The following GALNT13 variants were observed in gnomAD, a reference collection of about 807,000 sequenced individuals.
GALNT13 encodes polypeptide N-acetylgalactosaminyltransferase 13.
Under a neutral mutation model 64.2 loss-of-function variants are expected in GALNT13, and 28 were observed. That is an observed-to-expected ratio of 0.44 (90% CI 0.32 to 0.60). GALNT13 has a LOEUF of 0.60. GALNT13 is among the 20% of genes least tolerant of loss of function. The probability of loss-of-function intolerance (pLI) is 0.05; values close to 1 mark genes in which losing one functional copy is unlikely to be tolerated. For missense variants in GALNT13, 577 were observed against 669.8 expected (o/e 0.86, Z 1.53); for synonymous variants, 214 against 224.6 (o/e 0.95, Z 0.42).
the GALNT13 span, among the ~76,000 whole-genome samples, chr2:153,314,828 C>A: frequency 7.3e-5 from 11 of 151,316 alleles, no homozygotes; most frequent in African/African-American, 2.2e-4. Context: ...AAAATAAGGT[C>A]TTGTCAGTAA....
At chr2:153,499,480 G>A in the GALNT13 span, among the ~76,000 whole-genome samples, 2 of 152,212 alleles carry the variant, frequency 1.3e-5, no homozygotes, top group African/African-American at 4.8e-5. Flanking sequence ...TCACTGGCTT[G>A]AAGGTGGGAT....
intron 3 of GALNT13, among the ~76,000 whole-genome samples, chr2:153,987,310 CTG>C (rs1694865043): frequency 6.6e-6 from 1 of 151,628 alleles, no homozygotes; most frequent in African/African-American, 2.4e-5. Flanking sequence ...TCGTTGTTGT[CTG>C]TTGGATTTGA....
chr2:154,228,256 CT>C lies in GALNT13; in HGVS notation c.312-13765del, dbSNP rs201727334. Among the ~76,000 whole-genome samples the C allele has an allele frequency of 6.4e-4, 97 of 151,570 alleles. No individual in the cohort carries two copies. The East Asian group carries it at 9.3e-3, about 15-fold the overall frequency. On this transcript the variant is annotated intron_variant, in intron 4 of 12. Coordinates refer to ENST00000392825, the MANE Select transcript of GALNT13 (RefSeq NM_052917.4). ...AAATGAGCGCTGGCAGAGATCTACA[CT>C]TTTTTTTTCCCCCTAAATGGGAAAG...
chr2:153,547,091 T>C, the GALNT13 span, among the ~76,000 whole-genome samples: 2 of 152,210 alleles, frequency 1.3e-5, no homozygotes, highest in African/African-American at 2.4e-5. Flanking sequence ...AGTAGAATGT[T>C]TGGTTTCAAG....
At chr2:153,740,508 T>A in the GALNT13 span, among the ~76,000 whole-genome samples, 4 of 152,126 alleles carry the variant, frequency 2.6e-5, no homozygotes, top group African/African-American at 9.6e-5. Flanking sequence ...CTTTAAAGTT[T>A]TTGTGTGCCA....
chr2:154,290,858 C>G (rs749841145), intron 8 of GALNT13, among the ~76,000 whole-genome samples: 1 of 152,108 alleles, frequency 6.6e-6, no homozygotes, highest in Admixed American at 6.5e-5. Context: ...AAGCTGCAAC[C>G]TTCACAGTGA....
At chr2:154,377,038 C>T (rs1195555460) in intron 9 of GALNT13, among the ~76,000 whole-genome samples, 2 of 152,076 alleles carry the variant, frequency 1.3e-5, no homozygotes, top group Non-Finnish European at 2.9e-5. Flanking sequence ...TTAGGATCTA[C>T]CTAGTTCAGA....
the GALNT13 span, among the ~76,000 whole-genome samples, chr2:153,611,679 CTTTTTTT>C: frequency 1.3e-3 from 131 of 104,390 alleles, no homozygotes; most frequent in African/African-American, 3.5e-3. Context: ...ACATTTTTAC[CTTTTTTT>C]TTTTTTTTTT....
chr2:154,066,184 G>A (rs1459546584), intron 3 of GALNT13, among the ~76,000 whole-genome samples: 1 of 151,962 alleles, frequency 6.6e-6, no homozygotes, highest in Admixed American at 6.6e-5. Flanking sequence ...CACAGCAGAC[G>A]AAAGAAAAGA....
the GALNT13 span, among the ~76,000 whole-genome samples, chr2:153,865,382 A>C: frequency 1.6e-4 from 22 of 136,776 alleles, no homozygotes; most frequent in African/African-American, 4.2e-4. Context: ...CAACCTACAA[A>C]ATGGGAGAAA....
In GALNT13 at chr2:154,450,397, G is replaced by T; in HGVS notation, c.1531-14G>T. ...ACGAAATAAGCTGCACTGATTATTG[G>T]TTATCTTTTACAGAGACTCACGTTG... On this transcript the variant is annotated splice_polypyrimidine_tract_variant and intron_variant, in intron 12 of 12. Transcript: ENST00000392825. 2 of 1,602,768 alleles carry T rather than the reference G, an allele frequency of 1.2e-6. No individual in the cohort carries two copies. Among genetic ancestry groups the T allele is most frequent in the Non-Finnish European group, 1.7e-6 (2 of 1,175,280 alleles).
chr2:153,270,145 C>T, the GALNT13 span, among the ~76,000 whole-genome samples: 3 of 152,342 alleles, frequency 2.0e-5, no homozygotes, highest in Middle Eastern at 6.8e-3. Context: ...CCAATTCCAA[C>T]TCCTGATGCA....
At chr2:153,207,729 C>T in the GALNT13 span, among the ~76,000 whole-genome samples, 16 of 152,176 alleles carry the variant, frequency 1.1e-4, no homozygotes, top group East Asian at 3.9e-4. Flanking sequence ...TGAGTTTAAA[C>T]GATGTGTGTC....
chr2:154,138,767 C>T (rs1407154300), intron 3 of GALNT13, among the ~76,000 whole-genome samples: 4 of 151,918 alleles, frequency 2.6e-5, no homozygotes, highest in African/African-American at 7.2e-5. Flanking sequence ...GTCTCACCGA[C>T]ATCACAAATT....
At chr2:153,137,196 A>G in the GALNT13 span, among the ~76,000 whole-genome samples, 1 of 152,132 alleles carries the variant, frequency 6.6e-6, no homozygotes, top group Non-Finnish European at 1.5e-5. Context: ...CACGTTTTTG[A>G]AAAGGAATTA....
chr2:154,267,661 A>T (rs937129669), intron 8 of GALNT13, among the ~76,000 whole-genome samples: 4 of 152,172 alleles, frequency 2.6e-5, no homozygotes, highest in African/African-American at 7.2e-5. Context: ...AACAAACAAA[A>T]AAACTTGTGC....
At chr2:153,327,103 A>T in the GALNT13 span, among the ~76,000 whole-genome samples, 12 of 151,072 alleles carry the variant, frequency 7.9e-5, no homozygotes, top group Non-Finnish European at 1.2e-4. Context: ...AAAAAAAAAT[A>T]AATAAATAAA....
At chr2:154,101,148 A>C (rs1443709031) in intron 3 of GALNT13, among the ~76,000 whole-genome samples, 1 of 144,092 alleles carries the variant, frequency 6.9e-6, no homozygotes, top group Non-Finnish European at 1.5e-5. Flanking sequence ...TTTATCAGGG[A>C]TATTTTTGTT....
At chr2:154,205,717 A>G (rs1313890317) in intron 4 of GALNT13, among the ~76,000 whole-genome samples, 1 of 152,050 alleles carries the variant, frequency 6.6e-6, no homozygotes, top group Admixed American at 6.6e-5. Flanking sequence ...CTTTCAGGGG[A>G]ACTCCCATTT....
Sources: allele counts gnomAD v4.1 joint callset (sites outside exome capture counted in the v4.1 genomes callset), GRCh38; gene constraint gnomAD v4.1.1; transcripts MANE v1.5; gene names NCBI Gene and HGNC (gene_info 2026-07-23, HGNC 2026-07-21).